SLC39A11: variants seen among roughly 807,000 people sequenced by gnomAD.
SLC39A11 encodes zinc transporter ZIP11.
In SLC39A11, 33 loss-of-function variants were observed where a neutral mutation model predicts 36.1. The ratio of observed to expected loss-of-function variants is 0.91; its 90% CI spans 0.69 to 1.22. The LOEUF is 1.22. SLC39A11 is among the 50% of genes most tolerant of loss of function. The pLI is 0.00. For missense variants in SLC39A11, 432 were observed against 430.3 expected (o/e 1.00, Z -0.03); for synonymous variants, 166 against 170.3 (o/e 0.97, Z 0.20).
intron 5 of SLC39A11, among the ~76,000 whole-genome samples, chr17:72,882,359 C>CT (rs1242170953): frequency 1.2e-5 from 1 of 83,714 alleles, no homozygotes; most frequent in Non-Finnish European, 2.0e-5. Flanking sequence ...ATTCCTATAT[C>CT]TAAAAAAAAA....
chr17:72,767,740 A>G (rs1487384199), intron 6 of SLC39A11, among the ~76,000 whole-genome samples: 1 of 152,242 alleles, frequency 6.6e-6, no homozygotes. Flanking sequence ...TGCTTAGCAC[A>G]CAACAGGATA....
intron 6 of SLC39A11, among the ~76,000 whole-genome samples, chr17:72,778,688 T>C (rs955345418): frequency 6.6e-6 from 1 of 152,240 alleles, no homozygotes; most frequent in African/African-American, 2.4e-5. Context: ...TCTCTATGGA[T>C]GACATATGGT....
At chr17:72,989,800 G>C (rs1277219405) in intron 4 of SLC39A11, among the ~76,000 whole-genome samples, 3 of 152,110 alleles carry the variant, frequency 2.0e-5, no homozygotes, top group Non-Finnish European at 4.4e-5. Flanking sequence ...TTTGAGCCCT[G>C]GTATACCACT....
At chr17:72,884,227 C>A (rs2081346559) in intron 5 of SLC39A11, among the ~76,000 whole-genome samples, 1 of 152,252 alleles carries the variant, frequency 6.6e-6, no homozygotes, top group Non-Finnish European at 1.5e-5. Context: ...AGGCTGCCCA[C>A]AGCTTGGCTC....
chr17:72,932,325 G>T (rs2084454810), intron 5 of SLC39A11, among the ~76,000 whole-genome samples: 1 of 119,562 alleles, frequency 8.4e-6, no homozygotes, highest in East Asian at 2.0e-4. Flanking sequence ...TTAAGTTCTG[G>T]GTTACATGTG....
At chr17:72,855,571 T>C (rs2079593842) in intron 5 of SLC39A11, among the ~76,000 whole-genome samples, 1 of 151,914 alleles carries the variant, frequency 6.6e-6, no homozygotes, top group African/African-American at 2.4e-5. Context: ...TTAAGTAGTA[T>C]GTATACACAA....
chr17:73,081,658 C>CAT (rs1568242724), intron 3 of SLC39A11, among the ~76,000 whole-genome samples: 9 of 57,006 alleles, frequency 1.6e-4, no homozygotes, highest in African/African-American at 5.5e-4. Context: ...CACACACACA[C>CAT]ACACACACAC....
Position 72,852,610 on chromosome 17 carries a change from G to T in SLC39A11, c.431-2806C>A, listed in dbSNP as rs115086483. ...ATGTGTGCATGTGTATGTGCGTGTGGGTGCATACAACTGCTACTCAGTACC... is the reference window on the plus strand; with the variant it reads ...ATGTGTGCATGTGTATGTGCGTGTGTGTGCATACAACTGCTACTCAGTACC... On this transcript the variant is annotated intron_variant, in intron 5 of 9. Coordinates refer to ENST00000255559, the MANE Select transcript of SLC39A11 (RefSeq NM_139177.4). Among the ~76,000 whole-genome samples the T allele has an allele frequency of 9.2e-5, 14 of 152,170 alleles. No individual in the cohort carries two copies. In the East Asian group the frequency reaches 2.7e-3, roughly 29 times the overall value.
intron 5 of SLC39A11, among the ~76,000 whole-genome samples, chr17:72,919,093 G>A (rs1345981305): frequency 1.3e-5 from 2 of 151,904 alleles, no homozygotes; most frequent in African/African-American, 2.4e-5. Flanking sequence ...AATAAATCAC[G>A]CTCATAACCC....
At chr17:72,950,830 C>G (rs1161829225) in intron 4 of SLC39A11, among the ~76,000 whole-genome samples, 2 of 152,082 alleles carry the variant, frequency 1.3e-5, no homozygotes, top group Non-Finnish European at 2.9e-5. Context: ...TTTGTCCCCC[C>G]CACCCAGAAG....
chr17:72,950,831 C>G (rs773231435), intron 4 of SLC39A11, among the ~76,000 whole-genome samples: 7 of 152,124 alleles, frequency 4.6e-5, no homozygotes, highest in Non-Finnish European at 1.0e-4. Context: ...TTGTCCCCCC[C>G]ACCCAGAAGA....
chr17:73,090,778 A>T (rs959367835), intron 1 of SLC39A11, among the ~76,000 whole-genome samples: 2 of 152,112 alleles, frequency 1.3e-5, no homozygotes, highest in Non-Finnish European at 2.9e-5. Context: ...GGTTAGTGGG[A>T]TAGGGAAACA....
chr17:73,045,866 A>T lies in SLC39A11; in HGVS notation c.148-14152T>A, dbSNP rs182958402. Among the ~76,000 whole-genome samples the T allele has an allele frequency of 2.6e-3, 402 of 152,282 alleles. 2 individuals are homozygous for T. Among genetic ancestry groups the T allele is most frequent in the Non-Finnish European group, 4.4e-3 (302 of 68,014 alleles). ...AGCTGGTCATCAAGAGAGTGAGAAC[A>T]TGTTGCCCCAAGCTGCCTCCCGTGG... is the stretch of plus-strand genomic sequence containing the variant. On this transcript the variant is annotated intron_variant, in intron 3 of 9. Transcript: ENST00000255559.
At chr17:72,721,363 T>C (rs1218608286) in intron 7 of SLC39A11, among the ~76,000 whole-genome samples, 1 of 152,076 alleles carries the variant, frequency 6.6e-6, no homozygotes. Flanking sequence ...TCCCAAAGTG[T>C]TGGGATTACA....
chr17:72,832,271 G>C (rs2078316926), intron 6 of SLC39A11, among the ~76,000 whole-genome samples: 2 of 152,208 alleles, frequency 1.3e-5, no homozygotes, highest in Non-Finnish European at 2.9e-5. Flanking sequence ...GGTCTGAAAT[G>C]GCTTGGAAGT....
intron 4 of SLC39A11, among the ~76,000 whole-genome samples, chr17:72,975,100 A>C (rs2087748773): frequency 6.6e-6 from 1 of 152,188 alleles, no homozygotes; most frequent in African/African-American, 2.4e-5. Flanking sequence ...CTTTATTAGA[A>C]GGTAGGGCCT....
chr17:73,034,418 T>C (rs1363298835), intron 3 of SLC39A11, among the ~76,000 whole-genome samples: 1 of 152,192 alleles, frequency 6.6e-6, no homozygotes, highest in African/African-American at 2.4e-5. Flanking sequence ...GACAGGGTTT[T>C]GCCGTGTTGG....
intron 5 of SLC39A11, among the ~76,000 whole-genome samples, chr17:72,913,447 A>AT (rs1348095408): frequency 5.3e-5 from 8 of 152,230 alleles, no homozygotes; most frequent in East Asian, 3.9e-4. Flanking sequence ...ATCAAGATAC[A>AT]TTTTTGGCAA....
intron 5 of SLC39A11, among the ~76,000 whole-genome samples, chr17:72,854,784 G>T (rs1009321975): frequency 2.6e-5 from 4 of 152,170 alleles, no homozygotes; most frequent in African/African-American, 9.7e-5. Flanking sequence ...AAGAACCACA[G>T]TGCTACATGA....
Sources: gnomAD v4.1 joint callset for allele counts (sites outside exome capture counted in the v4.1 genomes callset) on GRCh38, gnomAD v4.1.1 for gene constraint, MANE v1.5 for transcripts, NCBI Gene and HGNC (gene_info 2026-07-23, HGNC 2026-07-21) for gene names.